SLCO4C1: variants seen among roughly 807,000 people sequenced by gnomAD.
SLCO4C1 encodes the protein organic anion transporter M1.
In SLCO4C1, 58 loss-of-function variants were observed where a neutral mutation model predicts 72.1. That is an observed-to-expected ratio of 0.80 (90% CI 0.65 to 1.00). SLCO4C1 has a LOEUF of 1.00. Among genes scored for constraint, SLCO4C1 ranks in the 50% least tolerant of loss-of-function variants. SLCO4C1 has a pLI of 0.00. For missense variants in SLCO4C1, 898 were observed against 857.9 expected, an observed-to-expected ratio of 1.05 and a Z score of -0.58; for synonymous variants, 297 against 312.5, an observed-to-expected ratio of 0.95 and a Z score of 0.52.
At chr5:102,241,852 G>GA (rs928253854) in intron 10 of SLCO4C1, among the ~76,000 whole-genome samples, 39 of 105,978 alleles carry the variant, frequency 3.7e-4, no homozygotes, top group South Asian at 8.2e-4. Context: ...TATCTACACA[G>GA]AAAAAAAAAC....
At chr5:102,260,829 C>T (rs1323209777) in intron 5 of SLCO4C1, among the ~76,000 whole-genome samples, 3 of 151,882 alleles carry the variant, frequency 2.0e-5, no homozygotes, top group African/African-American at 4.8e-5. Context: ...AATAATGGTA[C>T]TGCCAACAAA....
At chr5:102,287,582 C>A (rs921419064) in intron 2 of SLCO4C1, among the ~76,000 whole-genome samples, 2 of 147,068 alleles carry the variant, frequency 1.4e-5, no homozygotes, top group Non-Finnish European at 3.0e-5. Context: ...GCTCTGTCAC[C>A]CAGGCTGGAT....
At chr5:102,260,509 G>A (rs954947050) in intron 5 of SLCO4C1, among the ~76,000 whole-genome samples, 190 bp from the exon 6 acceptor site, 3 of 151,122 alleles carry the variant, frequency 2.0e-5, no homozygotes, top group Non-Finnish European at 4.4e-5. Flanking sequence ...TAGTTCTTCT[G>A]TTAATAAAAT....
chr5:102,274,883 G>A (rs180965754), intron 2 of SLCO4C1, among the ~76,000 whole-genome samples: 79 of 152,140 alleles, frequency 5.2e-4, no homozygotes, highest in Admixed American at 2.0e-3. Context: ...TGACCACCCC[G>A]AGTCTAAACA....
intron 2 of SLCO4C1, among the ~76,000 whole-genome samples, chr5:102,275,648 C>T (rs1561377764): frequency 6.6e-6 from 1 of 152,112 alleles, no homozygotes; most frequent in Non-Finnish European, 1.5e-5. Context: ...CTGTATATCA[C>T]GTGTCACAAG....
chr5:102,253,124 G>C (rs150668406), intron 8 of SLCO4C1, among the ~76,000 whole-genome samples: 56 of 152,190 alleles, frequency 3.7e-4, no homozygotes, highest in African/African-American at 1.3e-3. Flanking sequence ...AATACTGTGT[G>C]TATACACTAT....
At chr5:102,287,918 C>T (rs1358481512) in intron 2 of SLCO4C1, among the ~76,000 whole-genome samples, 1 of 152,026 alleles carries the variant, frequency 6.6e-6, no homozygotes, top group African/African-American at 2.4e-5. Flanking sequence ...ATGTGTAATG[C>T]AATTTCAATC....
At chr5:102,285,361 T>G (rs1266311549) in intron 2 of SLCO4C1, among the ~76,000 whole-genome samples, 1 of 152,204 alleles carries the variant, frequency 6.6e-6, no homozygotes. Context: ...CTCAGCTCCC[T>G]GCAACCTCCG....
Position 102,287,874 on chromosome 5 carries a change from TC to T in SLCO4C1, c.619+3468del, listed in dbSNP as rs543184471. ...CGGCCAGGTTTTATCATTTCTAACA[TC>T]CCTTCCGTTTCTAAATGTCTGAATT... On this transcript the variant is annotated intron_variant, in intron 2 of 12. Coordinates refer to ENST00000310954, the MANE Select transcript of SLCO4C1 (RefSeq NM_180991.5). Among the ~76,000 whole-genome samples, 6 of 152,160 alleles carry T rather than the reference TC, an allele frequency of 3.9e-5. No homozygotes were observed. In the South Asian group the frequency reaches 1.2e-3, roughly 32 times the overall value.
rs117306802 is a variant in SLCO4C1 at position 102,255,912 on chromosome 5, G to A, written c.1469+1203C>T. Among the ~76,000 whole-genome samples the A allele has an allele frequency of 1.1e-4, 16 of 152,262 alleles. No homozygotes were observed. The East Asian group carries it at 3.1e-3, about 29-fold the overall frequency. The stretch of plus-strand genomic sequence containing the variant: ...AGCATTCAACAAATGTTGAACAAAT[G>A]TAATGGAGCTTGGCCGGGCGCGGTG... On this transcript the variant is annotated intron_variant, in intron 8 of 12. Transcript: ENST00000310954.
At chr5:102,237,403 G>T (rs1208275721) in intron 12 of SLCO4C1, among the ~76,000 whole-genome samples, 1 of 151,510 alleles carries the variant, frequency 6.6e-6, no homozygotes, top group Admixed American at 6.6e-5. Context: ...AAGAGTTCGA[G>T]ACCAGGCTGG....
chr5:102,251,889 C>A (rs1284319060), intron 8 of SLCO4C1, among the ~76,000 whole-genome samples: 1 of 151,836 alleles, frequency 6.6e-6, no homozygotes, highest in Non-Finnish European at 1.5e-5. Flanking sequence ...ATGTGCTAGA[C>A]TACTCAAGGT....
chr5:102,263,765 A>G lies in SLCO4C1; in HGVS notation c.818T>C (p.Met273Thr), dbSNP rs745924257. The G allele has an allele frequency of 6.2e-6, 10 of 1,612,602 alleles. No homozygotes were observed. The highest frequency in any genetic ancestry group is 1.1e-5 in the South Asian group (1 of 91,020). ...SSLYIGTGYA[M>T]SILGPAIGYV... ...GCCAATAGCAGGGCCTAAGATTGAC[A>G]TAGCATAACCGGTTCCTAGAAGAAG... Residue 273 changes from methionine (M) to threonine (T), a missense_variant, in exon 4 of 13, where the codon ATG becomes ACG. By Grantham distance (81) the Met-to-Thr change is moderately conservative. Transcript: ENST00000310954.
intron 3 of SLCO4C1, among the ~76,000 whole-genome samples, chr5:102,264,715 C>T (rs533348515): frequency 1.4e-4 from 21 of 151,990 alleles, no homozygotes; most frequent in African/African-American, 4.8e-4. Context: ...TATAGAACAC[C>T]AGAATTTATT....
chr5:102,283,608 C>T (rs1371672002), intron 2 of SLCO4C1, among the ~76,000 whole-genome samples: 1 of 147,314 alleles, frequency 6.8e-6, no homozygotes, highest in East Asian at 2.0e-4. Context: ...AAAAAAAAGA[C>T]ATTGCTTAAT....
chr5:102,268,487 G>A (rs1749087499), intron 3 of SLCO4C1, among the ~76,000 whole-genome samples: 1 of 152,018 alleles, frequency 6.6e-6, no homozygotes, highest in Non-Finnish European at 1.5e-5. Context: ...GTCTAAGTGT[G>A]TCTTTACAGT....
chr5:102,295,831 G>A (rs2112411539), intron 1 of SLCO4C1, 77 bp downstream of exon 1: 1 of 1,425,076 alleles, frequency 7.0e-7, no homozygotes, highest in East Asian at 2.4e-5. Context: ...CCGCGCACCT[G>A]CCCTCTCCCC....
intron 2 of SLCO4C1, among the ~76,000 whole-genome samples, chr5:102,274,064 A>G (rs1368851901): frequency 6.6e-6 from 1 of 152,176 alleles, no homozygotes; most frequent in Non-Finnish European, 1.5e-5. Context: ...ACACGACATT[A>G]GCTATTATTT....
chr5:102,263,884 A>G, intron 3 of SLCO4C1, 104 bp from the exon 4 acceptor site: 1 of 788,370 alleles, frequency 1.3e-6, no homozygotes, highest in Non-Finnish European at 2.0e-6. Flanking sequence ...CTAAACAATT[A>G]AACATATCAA....
Sources: gnomAD v4.1 joint callset for allele counts (sites outside exome capture counted in the v4.1 genomes callset) on GRCh38, gnomAD v4.1.1 for gene constraint, MANE v1.5 for transcripts, NCBI Gene and HGNC (gene_info 2026-07-23, HGNC 2026-07-21) for gene names.